SCN9A: variants seen among roughly 807,000 people sequenced by gnomAD.
SCN9A encodes the protein sodium channel protein type 9 subunit alpha.
SCN9A carries 131 observed loss-of-function variants against 187.0 expected under a neutral mutation model. The observed-to-expected ratio is 0.70, with a 90% CI of 0.61 to 0.81. SCN9A has a LOEUF of 0.81. SCN9A is among the 30% of genes least tolerant of loss of function. The pLI, the probability that SCN9A is intolerant of heterozygous loss-of-function variation, is 0.00. For missense variants in SCN9A, 2,252 were observed against 2,396.6 expected, an observed-to-expected ratio of 0.94 and a Z score of 1.26; for synonymous variants, 809 against 808.6, an observed-to-expected ratio of 1.00 and a Z score of -0.01.
chr2:166,266,944 CT>C (rs1273707661), intron 17 of SCN9A, among the ~76,000 whole-genome samples: 6 of 151,980 alleles, frequency 3.9e-5, no homozygotes, highest in South Asian at 2.1e-4. Flanking sequence ...AAATCTACTA[CT>C]TTTTTTCATG....
chr2:166,213,458 C>CTAATAA (rs1365677237), intron 24 of SCN9A, among the ~76,000 whole-genome samples: 128 of 86,246 alleles, frequency 1.5e-3, no homozygotes, highest in African/African-American at 4.8e-3. Context: ...ACAAATTGAA[C>CTAATAA]CAATAATAAT....
At chr2:166,350,251 G>A (rs985656639) in intron 1 of SCN9A, among the ~76,000 whole-genome samples, 2 of 152,198 alleles carry the variant, frequency 1.3e-5, no homozygotes, top group African/African-American at 4.8e-5. Flanking sequence ...TAAGGAGAGA[G>A]ATTATCAGAA....
At chr2:166,284,372 A>T (rs541717112) in intron 12 of SCN9A, 81 bp downstream of exon 12, 1 of 1,497,710 alleles carries the variant, frequency 6.7e-7, no homozygotes, top group East Asian at 2.5e-5. Context: ...TCACAAGACC[A>T]GAGAAGGCCC....
In SCN9A at chr2:166,306,502, C is replaced by T; in HGVS notation, c.467+8G>A. On this transcript the variant is annotated splice_region_variant and intron_variant, in intron 4 of 26. Coordinates refer to ENST00000642356, the MANE Select transcript of SCN9A (RefSeq NM_001365536.1). ...AAACTATATTAAAATGTACTTATAC[C>T]CACTTACTCGACATTTTTGGTCCAG... 1 of 1,442,470 alleles carries T rather than the reference C, an allele frequency of 6.9e-7. No individual in the cohort carries two copies. 89.4% of individuals were successfully genotyped at this position (1,442,470 alleles called of 1,614,324 possible).
At chr2:166,204,299 T>C in intron 25 of SCN9A, 61 bp downstream of exon 25, 1 of 1,558,738 alleles carries the variant, frequency 6.4e-7, no homozygotes. Flanking sequence ...AAGATGTGCA[T>C]TAAAAATGAA....
At chr2:166,357,675 A>G (rs900179968) in intron 1 of SCN9A, among the ~76,000 whole-genome samples, 2 of 152,148 alleles carry the variant, frequency 1.3e-5, no homozygotes, top group South Asian at 4.1e-4. Context: ...CTCACTCTTA[A>G]TGACCAACTT....
At position 166,333,215 on chromosome 2, in the gene SCN9A, T is replaced by C. The variant is rs370455867; in HGVS notation, c.-50-21409A>G. 9.9e-5 allele frequency among the ~76,000 whole-genome samples: 15 copies of C among 152,208 alleles called. No individual in the cohort carries two copies. The East Asian group carries it at 1.9e-3, about 20-fold the overall frequency. Reference sequence around the variant, plus strand: ...TATTTATCATTGTGTATACATATTCTGACCATAAATGGAAATGTTTTTACA... The same window carrying C: ...TATTTATCATTGTGTATACATATTCCGACCATAAATGGAAATGTTTTTACA... On this transcript the variant is annotated intron_variant, in intron 1 of 26. Transcript: ENST00000642356.
At chr2:166,288,048 TTCC>T (rs1351131261) in intron 10 of SCN9A, among the ~76,000 whole-genome samples, 1 of 146,642 alleles carries the variant, frequency 6.8e-6, no homozygotes, top group Admixed American at 6.9e-5. Flanking sequence ...TAAAAGATTT[TTCC>T]TCATGATATA....
intron 1 of SCN9A, among the ~76,000 whole-genome samples, chr2:166,320,463 G>T (rs1019817313): frequency 2.0e-5 from 3 of 152,024 alleles, no homozygotes; most frequent in African/African-American, 7.2e-5. Context: ...GAGACAATTT[G>T]CAATTCATTT....
intron 18 of SCN9A, among the ~76,000 whole-genome samples, chr2:166,249,882 A>G (rs1695960303): frequency 6.6e-6 from 1 of 152,112 alleles, no homozygotes. Context: ...CATAAAATGA[A>G]TAGGGAAAAT....
intron 1 of SCN9A, among the ~76,000 whole-genome samples, chr2:166,339,145 A>C (rs1333128530): frequency 2.6e-5 from 4 of 152,168 alleles, no homozygotes; most frequent in Admixed American, 2.6e-4. Context: ...TAAATAAAAC[A>C]ATCCCCAGGA....
rs1261830465 is a variant in SCN9A, at chr2:166,204,013, G to A, written c.4716C>T (p.Tyr1572=). 1.2e-6 allele frequency: 2 copies of A among 1,605,086 alleles called. No individual in the cohort carries two copies. Among genetic ancestry groups the A allele is most frequent in the Admixed American group, 3.3e-5 (2 of 59,714 alleles). ...AAATATTCCATCCTACAGTGAAGTA[G>A]TAGTGTCTGAGGGAGATCAGTTTTA... ...CVLKLISLRH[Y]YFTVGWNIFD... Residue 1572 remains tyrosine, a synonymous_variant, in exon 26 of 27, where the codon TAC becomes TAT. Transcript: ENST00000642356.
At chr2:166,230,697 C>A (rs967881741) in intron 21 of SCN9A, among the ~76,000 whole-genome samples, 1 of 152,160 alleles carries the variant, frequency 6.6e-6, no homozygotes, top group Non-Finnish European at 1.5e-5. Flanking sequence ...TCATTATGTG[C>A]CCTTGTCTGT....
At chr2:166,373,073 C>A (rs923503107) in intron 1 of SCN9A, among the ~76,000 whole-genome samples, 1 of 152,088 alleles carries the variant, frequency 6.6e-6, no homozygotes, top group African/African-American at 2.4e-5. Flanking sequence ...AGTAAGCACG[C>A]ATAGAGTTCA....
At chr2:166,201,130 A>G (rs933738386) in intron 26 of SCN9A, among the ~76,000 whole-genome samples, 6 of 151,092 alleles carry the variant, frequency 4.0e-5, no homozygotes, top group African/African-American at 1.5e-4. Flanking sequence ...AGTACTTTTT[A>G]ATAATATGTT....
rs769486018 is a variant in SCN9A, at chr2:166,288,426, A to T, written c.1314+11T>A. The T allele has an allele frequency of 6.3e-7, 1 of 1,597,132 alleles. No homozygotes were observed. Among genetic ancestry groups the T allele is most frequent in the Non-Finnish European group, 8.6e-7 (1 of 1,168,078 alleles). On this transcript the variant is annotated intron_variant, in intron 10 of 26. Transcript: ENST00000642356. The stretch of plus-strand genomic sequence containing the variant: ...TACCTCTAGGAAGAATTTTAAATCA[A>T]ATAACAGTACCTCAGCTTCTTCTTG...
intron 1 of SCN9A, among the ~76,000 whole-genome samples, chr2:166,349,113 GC>G (rs1699971898): frequency 6.8e-6 from 1 of 146,554 alleles, no homozygotes; most frequent in African/African-American, 2.6e-5. Flanking sequence ...GGCAACAAGA[GC>G]AAAACTCCGT....
rs545578378 is a variant in SCN9A, at chr2:166,359,891, A to G, written c.-51+15806T>C. 1.8e-4 allele frequency among the ~76,000 whole-genome samples: 28 copies of G among 151,712 alleles called. No individual in the cohort carries two copies. The South Asian group carries it at 5.6e-3, about 30-fold the overall frequency. On this transcript the variant is annotated intron_variant, in intron 1 of 26. Transcript: ENST00000642356. The stretch of plus-strand genomic sequence containing the variant: ...ATTAAGATAGAAGTTAGTCTTATGT[A>G]TAGCCTTTTAAAATATAGTATTCCT...
intron 14 of SCN9A, among the ~76,000 whole-genome samples, chr2:166,279,779 T>C (rs1248096564): frequency 6.6e-6 from 1 of 151,994 alleles, no homozygotes; most frequent in African/African-American, 2.4e-5. Context: ...AAGAATATGA[T>C]AAATGAAATA....
Sources: gnomAD v4.1 joint callset for allele counts (sites outside exome capture counted in the v4.1 genomes callset) on GRCh38, gnomAD v4.1.1 for gene constraint, MANE v1.5 for transcripts, NCBI Gene and HGNC (gene_info 2026-07-23, HGNC 2026-07-21) for gene names.